ARHGEF28: variants seen among roughly 807,000 people sequenced by gnomAD.
ARHGEF28 encodes Rho guanine nucleotide exchange factor 28.
In ARHGEF28, 152 loss-of-function variants were observed where a neutral mutation model predicts 206.6. That is an observed-to-expected ratio of 0.74 (90% CI 0.64 to 0.84). The LOEUF is 0.84. ARHGEF28 is among the 40% of genes least tolerant of loss of function. The pLI, the probability that ARHGEF28 is intolerant of heterozygous loss-of-function variation, is 0.00. For synonymous variants in ARHGEF28, 763 were observed against 776.4 expected (o/e 0.98, Z 0.29); for missense variants, 2,028 against 2,073.2 (o/e 0.98, Z 0.42).
chr5:73,929,786 G>A (rs1247065306), intron 35 of ARHGEF28, among the ~76,000 whole-genome samples: 1 of 152,012 alleles, frequency 6.6e-6, no homozygotes, highest in African/African-American at 2.4e-5. Flanking sequence ...TAAAGTTGGT[G>A]GATATGATTT....
intron 2 of ARHGEF28, among the ~76,000 whole-genome samples, chr5:73,694,037 T>C (rs754540212): frequency 2.4e-4 from 36 of 152,252 alleles, no homozygotes; most frequent in Non-Finnish European, 4.6e-4. Flanking sequence ...TGCTTGGTAG[T>C]TCTGGCAGGA....
At chr5:73,719,466 A>G (rs1749793033) in intron 2 of ARHGEF28, among the ~76,000 whole-genome samples, 1 of 151,418 alleles carries the variant, frequency 6.6e-6, no homozygotes, top group East Asian at 1.9e-4. Flanking sequence ...TCTGTTCTTC[A>G]TAAGGCCTGC....
chr5:73,845,213 T>G (rs1335588849), intron 11 of ARHGEF28, among the ~76,000 whole-genome samples: 2 of 152,064 alleles, frequency 1.3e-5, no homozygotes, highest in Admixed American at 6.6e-5. Context: ...GAGATGTAGT[T>G]TCACCGTGTT....
At chr5:73,857,594 C>T in intron 14 of ARHGEF28, 62 bp from the exon 15 acceptor site, 3 of 1,495,328 alleles carry the variant, frequency 2.0e-6, no homozygotes, top group Non-Finnish European at 2.7e-6. Context: ...CACATACACA[C>T]ACACGTATAT....
chr5:73,722,050 T>G (rs1470815281), intron 2 of ARHGEF28, among the ~76,000 whole-genome samples: 1 of 152,194 alleles, frequency 6.6e-6, no homozygotes, highest in Non-Finnish European at 1.5e-5. Context: ...GATCTTTTGC[T>G]GCTATTCAGT....
chr5:73,663,184 G>C (rs750175318), intron 1 of ARHGEF28, among the ~76,000 whole-genome samples: 5 of 152,152 alleles, frequency 3.3e-5, no homozygotes, highest in Non-Finnish European at 5.9e-5. Context: ...TCGAACTCCT[G>C]ATCTCAGATG....
intron 26 of ARHGEF28, among the ~76,000 whole-genome samples, chr5:73,890,893 A>G (rs527710129): frequency 9.8e-5 from 15 of 152,352 alleles, no homozygotes; most frequent in African/African-American, 3.1e-4. Flanking sequence ...TCTTTCAACT[A>G]CATCTACCTA....
intron 4 of ARHGEF28, among the ~76,000 whole-genome samples, chr5:73,754,492 T>C (rs1263764687): frequency 1.3e-5 from 2 of 152,096 alleles, no homozygotes; most frequent in African/African-American, 4.8e-5. Context: ...CTTGCTATTA[T>C]CCCCAAGGAT....
rs184047534 is a variant in ARHGEF28, at chr5:73,926,587, A to G, written c.4949-14257A>G. Among the ~76,000 whole-genome samples, 81 of 152,274 alleles carry G rather than the reference A, an allele frequency of 5.3e-4. 2 individuals are homozygous for G. In the Middle Eastern group the frequency reaches 0.02, roughly 38 times the overall value. ...ACATCTTGCATTCTCTCCCCTTTGC[A>G]ATGGCCACAGACTCCACCCAGAAGG... On this transcript the variant is annotated intron_variant, in intron 35 of 35. Transcript: ENST00000513042.
intron 1 of ARHGEF28, among the ~76,000 whole-genome samples, chr5:73,643,987 A>G (rs1465272796): frequency 3.3e-5 from 5 of 151,288 alleles, no homozygotes; most frequent in African/African-American, 1.2e-4. Context: ...ACCACTCAGT[A>G]TGTAGCTCTT....
At chr5:73,679,583 A>G (rs894150223) in intron 1 of ARHGEF28, among the ~76,000 whole-genome samples, 10 of 152,062 alleles carry the variant, frequency 6.6e-5, no homozygotes, top group Admixed American at 6.5e-4. Context: ...AAAAAAAAAA[A>G]AAAGTTCTTA....
intron 7 of ARHGEF28, among the ~76,000 whole-genome samples, chr5:73,792,957 T>C (rs1017113921): frequency 6.6e-6 from 1 of 152,162 alleles, no homozygotes; most frequent in Non-Finnish European, 1.5e-5. Flanking sequence ...GGGATGTGCA[T>C]TTAAAGGCCG....
At chr5:73,908,628 T>C (rs963922681) in intron 33 of ARHGEF28, 29 of 152,360 alleles carry the variant, frequency 1.9e-4, no homozygotes, top group African/African-American at 7.0e-4. Flanking sequence ...CATAGGCAGA[T>C]ACCGTAACTC....
intron 9 of ARHGEF28, among the ~76,000 whole-genome samples, chr5:73,814,383 A>T (rs1756048583): frequency 6.6e-6 from 1 of 152,062 alleles, no homozygotes; most frequent in African/African-American, 2.4e-5. Context: ...CTTGCAATCC[A>T]TTCTTGTTGT....
At chr5:73,698,668 C>T (rs1473772634) in intron 2 of ARHGEF28, among the ~76,000 whole-genome samples, 1 of 151,874 alleles carries the variant, frequency 6.6e-6, no homozygotes, top group East Asian at 1.9e-4. Context: ...GCAATCGCAT[C>T]ATTACAGAAA....
At chr5:73,701,262 T>C (rs1413603902) in intron 2 of ARHGEF28, among the ~76,000 whole-genome samples, 1 of 152,198 alleles carries the variant, frequency 6.6e-6, no homozygotes, top group Non-Finnish European at 1.5e-5. Context: ...AAAAGGTATT[T>C]ATGCATGGAT....
intron 4 of ARHGEF28, among the ~76,000 whole-genome samples, chr5:73,759,800 C>T (rs1187772565): frequency 6.6e-6 from 1 of 152,164 alleles, no homozygotes; most frequent in Non-Finnish European, 1.5e-5. Flanking sequence ...GGGAACTACT[C>T]ATTTTATGTG....
intron 35 of ARHGEF28, among the ~76,000 whole-genome samples, chr5:73,915,659 C>A (rs921573424): frequency 4.6e-5 from 7 of 152,088 alleles, no homozygotes; most frequent in South Asian, 2.1e-4. Flanking sequence ...AATAAAAAAA[C>A]CCAACATTTT....
At chr5:73,848,900 G>A (rs1294726588) in intron 12 of ARHGEF28, 76 bp from the exon 13 acceptor site, 2 of 1,049,402 alleles carry the variant, frequency 1.9e-6, no homozygotes, top group East Asian at 2.6e-5. Context: ...TGCAAATTTA[G>A]TAACATTTGA....
Sources: gnomAD v4.1 joint callset for allele counts (sites outside exome capture counted in the v4.1 genomes callset) on GRCh38, gnomAD v4.1.1 for gene constraint, MANE v1.5 for transcripts, NCBI Gene and HGNC (gene_info 2026-07-23, HGNC 2026-07-21) for gene names.